ZNF704: variants seen among roughly 807,000 people sequenced by gnomAD.
ZNF704 encodes the protein zinc finger protein 704.
Under a neutral mutation model 44.7 loss-of-function variants are expected in ZNF704, and 10 were observed. That is an observed-to-expected ratio of 0.22 (90% CI 0.14 to 0.38). The LOEUF is 0.38. ZNF704 is among the 10% of genes least tolerant of loss of function. The probability of loss-of-function intolerance (pLI) is 1.00; values close to 1 mark genes in which losing one functional copy is unlikely to be tolerated. For missense variants in ZNF704, 390 were observed against 545.5 expected (o/e 0.71, Z 2.84); for synonymous variants, 211 against 207.6 (o/e 1.02, Z -0.14).
intron 2 of ZNF704, among the ~76,000 whole-genome samples, chr8:80,755,064 T>A (rs1383254242): frequency 6.6e-6 from 1 of 152,196 alleles, no homozygotes; most frequent in Non-Finnish European, 1.5e-5. Flanking sequence ...CTCAATTGTG[T>A]CACTCCTTCC....
chr8:80,654,643 AC>A (rs1817981710), intron 7 of ZNF704, among the ~76,000 whole-genome samples: 1 of 152,240 alleles, frequency 6.6e-6, no homozygotes, highest in Non-Finnish European at 1.5e-5. Context: ...ACAATGAGAT[AC>A]CATCTCACAT....
chr8:80,852,495 A>G (rs1167889184), intron 1 of ZNF704, among the ~76,000 whole-genome samples: 1 of 152,234 alleles, frequency 6.6e-6, no homozygotes, highest in Non-Finnish European at 1.5e-5. Context: ...TTGATGGCAC[A>G]AAGTCATCAT....
In ZNF704 at chr8:80,639,741, T is replaced by G. The variant is rs1490822534; in HGVS notation, c.*1625A>C. ...ATATAAAAAGAATATCTGTCATTAC[T>G]AGATGTCTTCTTTTTACGCTTAAAA... On this transcript the variant is annotated 3_prime_UTR_variant, in exon 9 of 9. Transcript: ENST00000327835. 6.6e-6 allele frequency: 1 copy of G among 152,654 alleles called. No individual in the cohort carries two copies. The allele number at this position is 152,654 out of a possible 1,614,324, so 9.5% of individuals were successfully genotyped here. A position where few individuals can be genotyped will look rare whatever the true frequency, so the allele number is the denominator to read the frequency against.
chr8:80,699,952 G>C (rs1818783587), intron 2 of ZNF704, among the ~76,000 whole-genome samples: 1 of 152,054 alleles, frequency 6.6e-6, no homozygotes, highest in South Asian at 2.1e-4. Context: ...CTTTCCACTG[G>C]AGTTACTCAT....
intron 2 of ZNF704, among the ~76,000 whole-genome samples, chr8:80,718,828 A>G (rs949288199): frequency 1.3e-5 from 2 of 152,154 alleles, no homozygotes; most frequent in African/African-American, 4.8e-5. Context: ...ACAGTTTTGT[A>G]TTTTAGTTTT....
At chr8:80,679,056 G>A (rs981519084) in intron 4 of ZNF704, among the ~76,000 whole-genome samples, 1 of 152,090 alleles carries the variant, frequency 6.6e-6, no homozygotes, top group African/African-American at 2.4e-5. Context: ...CAGAGTTCTG[G>A]TAACCTTCTG....
rs118072917 is a variant in ZNF704, at chr8:80,686,370, T to C, written c.558+856A>G. On this transcript the variant is annotated intron_variant, in intron 4 of 8. Transcript: ENST00000327835. ...AAATCAATTAATTAGATGTCTTTTT[T>C]TTCTTCTACTCCTTTTTGTTTTGTT... is the stretch of plus-strand genomic sequence containing the variant. 1.4e-3 allele frequency among the ~76,000 whole-genome samples: 216 copies of C among 152,306 alleles called. 1 individual carries two copies. The East Asian group carries it at 0.038, about 27-fold the overall frequency.
At chr8:80,670,206 C>T (rs755703504) in intron 5 of ZNF704, among the ~76,000 whole-genome samples, 18 of 152,254 alleles carry the variant, frequency 1.2e-4, no homozygotes, top group Non-Finnish European at 2.4e-4. Flanking sequence ...CACACTTGAC[C>T]CTGAAGAGCT....
chr8:80,665,226 A>T, intron 5 of ZNF704, 144 bp from the exon 6 acceptor site: 1 of 828,640 alleles, frequency 1.2e-6, no homozygotes, highest in African/African-American at 1.7e-5. Flanking sequence ...TGCAGCACTC[A>T]GTTCAACTGT....
chr8:80,799,880 G>A (rs1205819188), intron 2 of ZNF704, among the ~76,000 whole-genome samples: 1 of 152,042 alleles, frequency 6.6e-6, no homozygotes, highest in Non-Finnish European at 1.5e-5. Context: ...CCGAGCTAAA[G>A]GAGCATGTCT....
At chr8:80,666,331 A>G (rs1416132529) in intron 5 of ZNF704, among the ~76,000 whole-genome samples, 15 of 151,600 alleles carry the variant, frequency 9.9e-5, no homozygotes, top group Non-Finnish European at 2.1e-4. Flanking sequence ...TCCATGGTGT[A>G]TATGTGCCAC....
At chr8:80,789,048 GA>G (rs996946144) in intron 2 of ZNF704, among the ~76,000 whole-genome samples, 2 of 152,140 alleles carry the variant, frequency 1.3e-5, no homozygotes, top group Non-Finnish European at 2.9e-5. Flanking sequence ...AAGTGTTAAA[GA>G]GTAAAAAGAT....
chr8:80,813,335 A>G (rs1808120979), intron 2 of ZNF704, among the ~76,000 whole-genome samples: 1 of 152,258 alleles, frequency 6.6e-6, no homozygotes, highest in African/African-American at 2.4e-5. Flanking sequence ...TTAAAAATTC[A>G]TATTTATGAT....
At chr8:80,878,407 T>C (rs1292974901), upstream of ZNF704, among the ~76,000 whole-genome samples, 7 of 152,178 alleles carry the variant, frequency 4.6e-5, no homozygotes. Context: ...GGTGTAACCA[T>C]AGCCAGAACA....
At chr8:80,714,786 T>C (rs1035382357) in intron 2 of ZNF704, among the ~76,000 whole-genome samples, 7 of 152,110 alleles carry the variant, frequency 4.6e-5, no homozygotes, top group African/African-American at 1.7e-4. Flanking sequence ...ATGGCGGCGG[T>C]AAGTTGGGGA....
chr8:80,763,697 A>C (rs1405734972), intron 2 of ZNF704, among the ~76,000 whole-genome samples: 1 of 152,152 alleles, frequency 6.6e-6, no homozygotes, highest in East Asian at 1.9e-4. Context: ...ACCTATGTAA[A>C]TTTCTACAGC....
intron 5 of ZNF704, among the ~76,000 whole-genome samples, chr8:80,665,875 T>C (rs1330152322): frequency 6.6e-6 from 1 of 151,956 alleles, no homozygotes; most frequent in Admixed American, 6.6e-5. Context: ...TCCTCAGCCA[T>C]ACTTCCTGCA....
At chr8:80,685,404 G>A (rs1284927368) in intron 4 of ZNF704, among the ~76,000 whole-genome samples, 1 of 152,094 alleles carries the variant, frequency 6.6e-6, no homozygotes, top group Non-Finnish European at 1.5e-5. Context: ...TGGGCCGTGA[G>A]TCCTTGTCAC....
intron 2 of ZNF704, among the ~76,000 whole-genome samples, chr8:80,803,788 C>T (rs535683231): frequency 5.9e-5 from 9 of 152,124 alleles, no homozygotes; most frequent in East Asian, 3.9e-4. Flanking sequence ...GACTTCATGG[C>T]GAAAACACCA....
Sources: allele counts gnomAD v4.1 joint callset (sites outside exome capture counted in the v4.1 genomes callset), GRCh38; gene constraint gnomAD v4.1.1; transcripts MANE v1.5; gene names NCBI Gene and HGNC (gene_info 2026-07-23, HGNC 2026-07-21).